PKIA: variants seen among roughly 807,000 people sequenced by gnomAD.
PKIA encodes PKI-alpha.
A neutral mutation model predicts 7.6 loss-of-function variants in PKIA; 4 were observed. That is an observed-to-expected ratio of 0.52 (90% CI 0.26 to 1.20). The LOEUF (loss-of-function observed/expected upper bound fraction) is 1.20, where lower values mean the gene tolerates loss of function less well. Among genes scored for constraint, PKIA ranks in the 50% most tolerant of loss-of-function variants. The pLI, the probability that PKIA is intolerant of heterozygous loss-of-function variation, is 0.13. For synonymous variants in PKIA, 21 were observed against 30.7 expected (o/e 0.68, Z 1.04); for missense variants, 73 against 86.2 (o/e 0.85, Z 0.61).
intron 1 of PKIA, among the ~76,000 whole-genome samples, chr8:78,566,817 C>T (rs1040377740): frequency 6.6e-6 from 1 of 152,064 alleles, no homozygotes; most frequent in Non-Finnish European, 1.5e-5. Context: ...GAATCATGCC[C>T]GTGGCAAACA....
intron 1 of PKIA, among the ~76,000 whole-genome samples, chr8:78,523,274 T>C (rs1809450996): frequency 6.6e-6 from 1 of 151,970 alleles, no homozygotes; most frequent in Non-Finnish European, 1.5e-5. Context: ...ATGCTTTTTC[T>C]TCAGTTGATT....
chr8:78,586,252 C>A (rs1410927316), intron 2 of PKIA, among the ~76,000 whole-genome samples: 1 of 152,070 alleles, frequency 6.6e-6, no homozygotes, highest in African/African-American at 2.4e-5. Flanking sequence ...AAAATGTATC[C>A]AAATCACATA....
intron 1 of PKIA, among the ~76,000 whole-genome samples, chr8:78,517,472 G>T (rs957241710): frequency 1.3e-5 from 2 of 152,212 alleles, no homozygotes; most frequent in Non-Finnish European, 2.9e-5. Flanking sequence ...GTTGGATTTT[G>T]AGACAGCTAG....
chr8:78,592,123 G>GA (rs1169587771), intron 2 of PKIA, among the ~76,000 whole-genome samples: 6 of 149,318 alleles, frequency 4.0e-5, no homozygotes, highest in Middle Eastern at 7.0e-3. Context: ...ATGCTTGACT[G>GA]AAAAAAAAAT....
intron 1 of PKIA, among the ~76,000 whole-genome samples, chr8:78,529,475 CTA>C (rs1470491308): frequency 6.6e-5 from 10 of 151,952 alleles, no homozygotes; most frequent in African/African-American, 2.2e-4. Context: ...TCTAGAGTTT[CTA>C]TGTCAGTTTT....
chr8:78,562,812 C>T (rs1018479217), intron 1 of PKIA, among the ~76,000 whole-genome samples: 1 of 151,166 alleles, frequency 6.6e-6, no homozygotes, highest in Non-Finnish European at 1.5e-5. Context: ...AGAGCAAGGA[C>T]TTTGTGTTCA....
intron 1 of PKIA, among the ~76,000 whole-genome samples, chr8:78,557,052 T>C (rs1230451859): frequency 6.6e-6 from 1 of 152,152 alleles, no homozygotes; most frequent in African/African-American, 2.4e-5. Context: ...TTACCCTACT[T>C]GTCATTTTTT....
intron 1 of PKIA, among the ~76,000 whole-genome samples, chr8:78,541,401 C>T (rs1281467944): frequency 6.6e-6 from 1 of 152,096 alleles, no homozygotes; most frequent in Non-Finnish European, 1.5e-5. Flanking sequence ...CCCATATATA[C>T]AACAGCTGTC....
At chr8:78,557,708 C>A (rs1175253405) in intron 1 of PKIA, among the ~76,000 whole-genome samples, 1 of 152,140 alleles carries the variant, frequency 6.6e-6, no homozygotes, top group East Asian at 1.9e-4. Context: ...TGAGGCTGTT[C>A]AACTGCAGTT....
intron 2 of PKIA, among the ~76,000 whole-genome samples, chr8:78,573,424 C>T (rs192255982): frequency 1.1e-3 from 174 of 151,868 alleles, no homozygotes; most frequent in African/African-American, 3.9e-3. Flanking sequence ...AAAGTGAGCA[C>T]GTATAGGGAG....
At chr8:78,530,429 C>T (rs1042619085) in intron 1 of PKIA, among the ~76,000 whole-genome samples, 1 of 151,960 alleles carries the variant, frequency 6.6e-6, no homozygotes, top group African/African-American at 2.4e-5. Context: ...TTACAAACCT[C>T]ACTGGATCCT....
chr8:78,516,708 C>G (rs1809322855), intron 1 of PKIA, among the ~76,000 whole-genome samples: 1 of 152,222 alleles, frequency 6.6e-6, no homozygotes, highest in Admixed American at 6.5e-5. Context: ...CGTGATCTAC[C>G]ATTTCAGTGC....
intron 1 of PKIA, among the ~76,000 whole-genome samples, chr8:78,526,888 G>A (rs1483671427): frequency 1.3e-5 from 2 of 151,468 alleles, no homozygotes; most frequent in African/African-American, 4.8e-5. Context: ...ATTTTTGTTG[G>A]GCTTGAAAAG....
chr8:78,592,547 A>G (rs909694023), intron 2 of PKIA, among the ~76,000 whole-genome samples: 1 of 152,194 alleles, frequency 6.6e-6, no homozygotes, highest in Non-Finnish European at 1.5e-5. Context: ...CTTTCATTCA[A>G]TTGAAATGAA....
At chr8:78,550,715 G>C (rs1403059591) in intron 1 of PKIA, among the ~76,000 whole-genome samples, 1 of 151,868 alleles carries the variant, frequency 6.6e-6, no homozygotes, top group Non-Finnish European at 1.5e-5. Context: ...GGTTACATGA[G>C]TATATTCTTT....
intron 2 of PKIA, among the ~76,000 whole-genome samples, chr8:78,574,043 G>A (rs1228257063): frequency 1.3e-5 from 2 of 151,934 alleles, no homozygotes; most frequent in African/African-American, 4.8e-5. Context: ...TTCATTAGAT[G>A]TACTATTCAA....
At chr8:78,555,440 G>A (rs1328682049) in intron 1 of PKIA, among the ~76,000 whole-genome samples, 2 of 152,022 alleles carry the variant, frequency 1.3e-5, no homozygotes, top group African/African-American at 2.4e-5. Context: ...AAAGAGACAA[G>A]AGTCTGCTAG....
At chr8:78,532,043 T>G (rs1806399200) in intron 1 of PKIA, among the ~76,000 whole-genome samples, 1 of 152,126 alleles carries the variant, frequency 6.6e-6, no homozygotes, top group Non-Finnish European at 1.5e-5. Flanking sequence ...TTTTTAACTT[T>G]TAAGTTCAGG....
intron 1 of PKIA, among the ~76,000 whole-genome samples, chr8:78,545,016 G>T (rs1194997824): frequency 6.6e-6 from 1 of 151,898 alleles, no homozygotes; most frequent in Admixed American, 6.6e-5. Context: ...GTAATATATG[G>T]AAAATGCTTT....
Sources: gnomAD v4.1 joint callset for allele counts (sites outside exome capture counted in the v4.1 genomes callset) on GRCh38, gnomAD v4.1.1 for gene constraint, MANE v1.5 for transcripts, NCBI Gene and HGNC (gene_info 2026-07-23, HGNC 2026-07-21) for gene names.